The following LAMA5 variants were observed in gnomAD, a reference collection of about 807,000 sequenced individuals.
LAMA5 encodes the protein laminin subunit alpha-5.
In LAMA5, 260 loss-of-function variants were observed where a neutral mutation model predicts 433.4. The ratio of observed to expected loss-of-function variants is 0.60; its 90% CI spans 0.54 to 0.66. LAMA5 has a LOEUF of 0.66. Among genes scored for constraint, LAMA5 ranks in the 30% least tolerant of loss-of-function variants. The pLI is 0.00. For missense variants in LAMA5, 5,378 were observed against 5,258.5 expected (o/e 1.02, Z -0.70); for synonymous variants, 2,620 against 2,226.6 (o/e 1.18, Z -4.97).
At chr20:62,311,840 C>CCCCCAGGGGGG in intron 70 of LAMA5, 56 bp from the exon 71 acceptor site, 1 of 1,552,616 alleles carries the variant, frequency 6.4e-7, no homozygotes, top group East Asian at 2.3e-5. Context: ...ACCCCCACCT[C>CCCCCAGGGGGG]AGAGGAGACA....
intron 2 of LAMA5, among the ~76,000 whole-genome samples, chr20:62,361,940 CCCTCAGTGGCCGCCA>C (rs1555886328): frequency 6.6e-6 from 1 of 152,214 alleles, no homozygotes; most frequent in Non-Finnish European, 1.5e-5. Context: ...CCCCACCTAA[CCCTCAGTGGCCGCCA>C]CCTCGGCACA....
Position 62,309,801 on chromosome 20 carries a change from C to T in LAMA5, c.10863G>A (p.Val3621=), listed in dbSNP as rs150289290. The T allele has an allele frequency of 2.9e-5, 46 of 1,610,630 alleles. No homozygotes were observed. In the African/African-American group the frequency reaches 3.9e-4, roughly 14 times the overall value. ...CCACGGTGTGGTTGCTCTGCGCGTC[C>T]ACCTCCAGCCGGAGCACATTCCCGC... ...MKSGNVLRLE[V]DAQSNHTVGP... The change falls in exon 79 of 80, where the codon GTG becomes GTA. Residue 3621 remains valine, a synonymous_variant. Coordinates refer to ENST00000252999, the MANE Select transcript of LAMA5 (RefSeq NM_005560.6).
In LAMA5 at chr20:62,336,328, G is replaced by T; in HGVS notation, c.2323+12C>A. ...GGAACCCCTGTACCCCAATACTCCA[G>T]GGCACACTCACGGGTACAGCCCTCG... On this transcript the variant is annotated intron_variant, in intron 18 of 79. Transcript: ENST00000252999. 1 of 1,584,174 alleles carries T rather than the reference G, an allele frequency of 6.3e-7. No individual in the cohort carries two copies. The highest frequency in any genetic ancestry group is 1.1e-5 in the South Asian group (1 of 88,932).
chr20:62,352,792 C>T (rs923695813), intron 3 of LAMA5, among the ~76,000 whole-genome samples: 3 of 152,184 alleles, frequency 2.0e-5, no homozygotes, highest in African/African-American at 7.2e-5. Context: ...CTCCAGTACT[C>T]TTGACGCAGG....
chr20:62,314,187 G>GT (rs1205544865), intron 62 of LAMA5, 117 bp downstream of exon 62: 3 of 1,248,494 alleles, frequency 2.4e-6, no homozygotes, highest in African/African-American at 3.0e-5. Context: ...GAGGCGAGGG[G>GT]TGGCGAGTGG....
Position 62,310,714 on chromosome 20 carries a change from G to T in LAMA5, c.10397C>A (p.Thr3466Asn). 6.3e-7 allele frequency: 1 copy of T among 1,599,670 alleles called. No individual in the cohort carries two copies. Among genetic ancestry groups the T allele is most frequent in the Non-Finnish European group, 8.5e-7 (1 of 1,176,398 alleles). ...HQGAEHPQPHTLFVGGLPASS... is the reference protein window; with the variant it reads ...HQGAEHPQPHNLFVGGLPASS... ...GGCCGGGAGGCCGCCCACAAAGAGG[G>T]TGTGGGGCTGGGGGTGCTCTGCCCC... Residue 3466 changes from threonine to asparagine, a missense_variant, in exon 75 of 80, where the codon ACC becomes AAC. Transcript: ENST00000252999.
intron 50 of LAMA5, among the ~76,000 whole-genome samples, 183 bp from the exon 51 acceptor site, chr20:62,319,978 A>G (rs1364198699): frequency 1.3e-5 from 2 of 152,140 alleles, no homozygotes; most frequent in African/African-American, 4.8e-5. Flanking sequence ...ATTGGTTATA[A>G]CTTGCCATTT....
chr20:62,336,244 C>T, intron 18 of LAMA5, 96 bp downstream of exon 18: 1 of 900,168 alleles, frequency 1.1e-6, no homozygotes, highest in Non-Finnish European at 1.7e-6. Flanking sequence ...TCCAGCCCCT[C>T]CAGGAACCCT....
At position 62,316,682 on chromosome 20, in the gene LAMA5, C is replaced by A. The variant is rs779493319; in HGVS notation, c.7745G>T (p.Arg2582Met). The A allele has an allele frequency of 6.3e-7, 1 of 1,599,400 alleles. No homozygotes were observed. The highest frequency in any genetic ancestry group is 8.5e-7 in the Non-Finnish European group (1 of 1,170,958). ...LEEAMLQEQQ[R>M]LGLVWAALQG... ...AGCCCAGCACTCACCAAGGCCCAGC[C>A]TCTGCTGTTCCTGGAGCATGGCCTC... Residue 2582 changes from arginine to methionine, a missense_variant, in exon 57 of 80, where the codon AGG becomes ATG. Transcript: ENST00000252999.
At position 62,312,208 on chromosome 20, in the gene LAMA5, G is replaced by C; in HGVS notation, c.9469C>G (p.Gln3157Glu). The C allele has an allele frequency of 6.2e-7, 1 of 1,610,576 alleles. No individual in the cohort carries two copies. The highest frequency in any genetic ancestry group is 8.5e-7 in the Non-Finnish European group (1 of 1,179,208). Residue 3157 changes from glutamine to glutamate, a missense_variant, in exon 69 of 80, where the codon CAG becomes GAG. Physicochemically the swap from Gln to Glu is conservative, Grantham distance 29. Transcript: ENST00000252999. ...VYSGFGFHSA[Q>E]DSALLYYRAS... ...CGGTAGTAGAGCAGGGCACTGTCCT[G>C]GGCGCTGTGGAAGCCGAAGCCGGAG...
intron 58 of LAMA5, among the ~76,000 whole-genome samples, chr20:62,315,467 C>T (rs1986838961): frequency 6.6e-6 from 1 of 152,076 alleles, no homozygotes; most frequent in Non-Finnish European, 1.5e-5. Flanking sequence ...CCTCCCACCA[C>T]CTGGCCCCCA....
Position 62,316,655 on chromosome 20 carries a change from G to C in LAMA5, c.7756+16C>G. The C allele has an allele frequency of 6.5e-7, 1 of 1,533,276 alleles. No individual in the cohort carries two copies. The highest frequency in any genetic ancestry group is 1.4e-5 in the African/African-American group (1 of 72,574). The allele number at this position is 1,533,276 out of a possible 1,614,324, so 95.0% of individuals were successfully genotyped here. A position where few individuals can be genotyped will look rare whatever the true frequency, so the allele number is the denominator to read the frequency against. On this transcript the variant is annotated intron_variant, in intron 57 of 79. Coordinates refer to ENST00000252999, the MANE Select transcript of LAMA5 (RefSeq NM_005560.6). Reference sequence around the variant, plus strand: ...CCCAGCAGGCCTAAGGGCCCCCATCGGAGCCCAGCACTCACCAAGGCCCAG... The same window carrying C: ...CCCAGCAGGCCTAAGGGCCCCCATCCGAGCCCAGCACTCACCAAGGCCCAG...
intron 1 of LAMA5, among the ~76,000 whole-genome samples, chr20:62,365,514 G>C (rs377206933): frequency 8.1e-4 from 123 of 152,310 alleles, no homozygotes; most frequent in African/African-American, 2.7e-3. Context: ...TGGGGGGGTG[G>C]TCTGAGGTTC....
At position 62,327,986 on chromosome 20, in the gene LAMA5, G is replaced by A; in HGVS notation, c.4677C>T (p.Arg1559=). The part of the protein sequence containing the change: ...QCKCRPNVTG[R]RCDTCSPGFH... Reference sequence around the variant, plus strand: ...AGCCCGGAGAGCAGGTATCACAGCGGCGCCCAGTCACGTTGGGTCTGCACC... The same window carrying A: ...AGCCCGGAGAGCAGGTATCACAGCGACGCCCAGTCACGTTGGGTCTGCACC... The change falls in exon 36 of 80, where the codon CGC becomes CGT. Residue 1559 remains arginine (R), a synonymous_variant. Coordinates refer to ENST00000252999, the MANE Select transcript of LAMA5 (RefSeq NM_005560.6). 6.2e-7 allele frequency: 1 copy of A among 1,612,030 alleles called. No individual in the cohort carries two copies. Among genetic ancestry groups the A allele is most frequent in the East Asian group, 2.2e-5 (1 of 44,872 alleles).
At position 62,330,796 on chromosome 20, in the gene LAMA5, G is replaced by A. The variant is rs1052209977; in HGVS notation, c.3799C>T (p.Pro1267Ser). ...AMSPAGPRPR[P>S]PTAVDPDAEP... ...GCATCAGGGTCCACAGCGGTGGGGG[G>A]CCGAGGTCGGGGTCCAGCTGGGGAC... is the stretch of plus-strand genomic sequence containing the variant. The change falls in exon 30 of 80, where the codon CCC becomes TCC. Residue 1267 changes from proline to serine, a missense_variant. Transcript: ENST00000252999. The A allele has an allele frequency of 6.4e-7, 1 of 1,559,434 alleles. No homozygotes were observed. Among genetic ancestry groups the A allele is most frequent in the Non-Finnish European group, 8.7e-7 (1 of 1,153,166 alleles).
chr20:62,365,309 G>A (rs909952775), intron 1 of LAMA5, among the ~76,000 whole-genome samples: 1 of 152,236 alleles, frequency 6.6e-6, no homozygotes, highest in African/African-American at 2.4e-5. Flanking sequence ...TCTCAGGTGA[G>A]GGGGGCCAGC....
At chr20:62,364,937 G>A (rs1986555092) in intron 1 of LAMA5, among the ~76,000 whole-genome samples, 1 of 152,256 alleles carries the variant, frequency 6.6e-6, no homozygotes, top group Admixed American at 6.5e-5. Flanking sequence ...TCCTGTGCCT[G>A]CCTGCCTTGC....
At chr20:62,357,340 T>C (rs886458585) in intron 2 of LAMA5, among the ~76,000 whole-genome samples, 1 of 152,146 alleles carries the variant, frequency 6.6e-6, no homozygotes, top group Admixed American at 6.5e-5. Flanking sequence ...GCCCCAGGCG[T>C]CCGGGCCAGC....
At chr20:62,313,947 ATGGAGAGACGGGTGGCGAGTGGG>A in intron 62 of LAMA5, 145 bp from the exon 63 acceptor site, 1 of 627,552 alleles carries the variant, frequency 1.6e-6, no homozygotes, top group African/African-American at 3.1e-5. Flanking sequence ...GCGAGTGGGC[ATGGAGAGACGGGTGGCGAGTGGG>A]CACAGAGACG....
Sources: allele counts gnomAD v4.1 joint callset (sites outside exome capture counted in the v4.1 genomes callset), GRCh38; gene constraint gnomAD v4.1.1; transcripts MANE v1.5; gene names NCBI Gene and HGNC (gene_info 2026-07-23, HGNC 2026-07-21).